Variants in MYT1L observed in about 807,000 individuals in gnomAD.
MYT1L encodes the protein myelin transcription factor 1 like, also known as myelin transcription factor 1-like protein.
MYT1L carries 12 observed loss-of-function variants against 126.7 expected under a neutral mutation model. That is an observed-to-expected ratio of 0.09 (90% confidence interval 0.06 to 0.15). The LOEUF is 0.15. MYT1L is among the 10% of genes least tolerant of loss of function. MYT1L has a pLI of 1.00. For missense variants in MYT1L, 979 were observed against 1,585.2 expected, an observed-to-expected ratio of 0.62 and a Z score of 6.49; for synonymous variants, 541 against 604.2, an observed-to-expected ratio of 0.90 and a Z score of 1.53.
chr2:1,829,686 C>T (rs78115852), intron 21 of MYT1L, among the ~76,000 whole-genome samples: 14 of 118,160 alleles, frequency 1.2e-4, no homozygotes, highest in African/African-American at 5.1e-4. Flanking sequence ...TGAATTGACC[C>T]TCCCATACAC....
chr2:1,931,566 C>A (rs2054991642), intron 9 of MYT1L, among the ~76,000 whole-genome samples: 1 of 151,898 alleles, frequency 6.6e-6, no homozygotes, highest in African/African-American at 2.4e-5. Flanking sequence ...GTGGTCGCTT[C>A]TTTGTTCTTC....
intron 2 of MYT1L, among the ~76,000 whole-genome samples, chr2:2,180,117 A>C (rs1283665255): frequency 6.6e-6 from 1 of 152,144 alleles, no homozygotes; most frequent in African/African-American, 2.4e-5. Context: ...TGGGGATTGC[A>C]CCTGTTCATT....
intron 21 of MYT1L, among the ~76,000 whole-genome samples, chr2:1,818,378 C>T (rs2038013011): frequency 6.6e-6 from 1 of 152,184 alleles, no homozygotes. Flanking sequence ...CAGGGGCAAA[C>T]AGTTTCCTTC....
chr2:1,958,592 A>G (rs1368549149), intron 8 of MYT1L, among the ~76,000 whole-genome samples: 1 of 152,230 alleles, frequency 6.6e-6, no homozygotes, highest in African/African-American at 2.4e-5. Context: ...CAAGCTGGCC[A>G]GGGCTCCAGG....
At position 2,090,959 on chromosome 2, in the gene MYT1L, A is replaced by C. The variant is rs566276302; in HGVS notation, c.-303-36836T>G. The stretch of plus-strand genomic sequence containing the variant: ...CAATTCAGTCGCATCTTTAAACTCC[A>C]CTTCTAATTTTAGTTCTCTTGCTAT... On this transcript the variant is annotated intron_variant, in intron 3 of 24. Coordinates refer to ENST00000647738, the MANE Select transcript of MYT1L (RefSeq NM_001303052.2). Among the ~76,000 whole-genome samples the C allele has an allele frequency of 2.6e-5, 4 of 152,172 alleles. 1 individual carries two copies. Among genetic ancestry groups the C allele is most frequent in the Non-Finnish European group, 5.9e-5 (4 of 68,032 alleles).
chr2:2,188,460 C>T (rs2092361648), intron 2 of MYT1L, among the ~76,000 whole-genome samples: 1 of 152,208 alleles, frequency 6.6e-6, no homozygotes, highest in Non-Finnish European at 1.5e-5. Context: ...AGGAGCCGTG[C>T]ACAAGCGTGT....
intron 18 of MYT1L, among the ~76,000 whole-genome samples, chr2:1,860,910 G>A (rs1195649775): frequency 2.0e-5 from 3 of 152,020 alleles, no homozygotes; most frequent in Non-Finnish European, 4.4e-5. Flanking sequence ...CCACTGGATT[G>A]CCTGTGAGAC....
intron 2 of MYT1L, among the ~76,000 whole-genome samples, chr2:2,278,620 T>C (rs1357072182): frequency 6.6e-6 from 1 of 152,196 alleles, no homozygotes; most frequent in Non-Finnish European, 1.5e-5. Flanking sequence ...TCTAACATAT[T>C]AGAACTTTAT....
intron 8 of MYT1L, among the ~76,000 whole-genome samples, chr2:1,951,364 A>G (rs2057735898): frequency 6.6e-6 from 1 of 152,002 alleles, no homozygotes; most frequent in African/African-American, 2.4e-5. Context: ...AGAGATGAAG[A>G]GGTCAGGGGA....
chr2:2,148,476 C>T (rs1344417109), intron 3 of MYT1L, among the ~76,000 whole-genome samples: 1 of 152,142 alleles, frequency 6.6e-6, no homozygotes, highest in Non-Finnish European at 1.5e-5. Flanking sequence ...AGGCTGGGTT[C>T]CTAACAGGCC....
intron 4 of MYT1L, among the ~76,000 whole-genome samples, chr2:2,010,045 C>T (rs142243691): frequency 2.6e-5 from 4 of 152,154 alleles, no homozygotes; most frequent in African/African-American, 9.6e-5. Context: ...TTGAAACCAG[C>T]CTCCCATTGC....
At chr2:1,881,355 CGTGT>C (rs59171974) in intron 18 of MYT1L, among the ~76,000 whole-genome samples, 9,571 of 139,050 alleles carry the variant, frequency 0.069, 283 homozygotes, top group East Asian at 0.11. Flanking sequence ...TTTGCAGGTT[CGTGT>C]GTGTGTGTGT....
chr2:2,273,979 T>C (rs1027393246), intron 2 of MYT1L, among the ~76,000 whole-genome samples: 8 of 152,166 alleles, frequency 5.3e-5, no homozygotes, highest in African/African-American at 1.9e-4. Context: ...GAAATACTTT[T>C]CAAATGAATA....
At chr2:2,048,687 T>C (rs2150066676) in intron 4 of MYT1L, among the ~76,000 whole-genome samples, 1 of 152,300 alleles carries the variant, frequency 6.6e-6, no homozygotes, top group East Asian at 1.9e-4. Context: ...AATATCTGAC[T>C]GCCCCTTAGA....
At chr2:2,280,808 C>G (rs963287629) in intron 2 of MYT1L, among the ~76,000 whole-genome samples, 1 of 152,138 alleles carries the variant, frequency 6.6e-6, no homozygotes, top group Non-Finnish European at 1.5e-5. Context: ...ACCCAGAACA[C>G]CAAGCACAAA....
At chr2:1,861,014 C>T (rs181991033) in intron 18 of MYT1L, among the ~76,000 whole-genome samples, 56 of 152,316 alleles carry the variant, frequency 3.7e-4, no homozygotes, top group Admixed American at 5.9e-4. Context: ...TGCACACACA[C>T]TCACTCCTAG....
intron 4 of MYT1L, among the ~76,000 whole-genome samples, chr2:2,030,344 G>A (rs771453796): frequency 6.6e-5 from 10 of 152,100 alleles, no homozygotes; most frequent in South Asian, 2.1e-4. Context: ...TGATCCACCC[G>A]CCTCAGCCTC....
chr2:1,987,660 G>A (rs575626242), intron 5 of MYT1L, among the ~76,000 whole-genome samples: 5 of 152,220 alleles, frequency 3.3e-5, no homozygotes, highest in Non-Finnish European at 4.4e-5. Flanking sequence ...CGTGGGGAGT[G>A]CAGGTGCTCC....
At chr2:2,316,993 A>G (rs1224926949) in intron 1 of MYT1L, among the ~76,000 whole-genome samples, 1 of 145,374 alleles carries the variant, frequency 6.9e-6, no homozygotes, top group Admixed American at 6.8e-5. Context: ...TTTTTTTTGG[A>G]TTTTTAATAG....
Sources: allele counts gnomAD v4.1 joint callset (sites outside exome capture counted in the v4.1 genomes callset), GRCh38; gene constraint gnomAD v4.1.1; transcripts MANE v1.5; gene names NCBI Gene and HGNC (gene_info 2026-07-23, HGNC 2026-07-21).